ANGPT2: variants seen among roughly 807,000 people sequenced by gnomAD.
ANGPT2 encodes the protein angiopoietin 2.
A neutral mutation model predicts 62.9 loss-of-function variants in ANGPT2; 28 were observed. The observed-to-expected ratio is 0.44, with a 90% CI of 0.33 to 0.61. The LOEUF is 0.61. ANGPT2 is among the 20% of genes least tolerant of loss of function. ANGPT2 has a pLI of 0.03. For missense variants in ANGPT2, 727 were observed against 594.9 expected, an observed-to-expected ratio of 1.22 and a Z score of -2.31; for synonymous variants, 284 against 207.8, an observed-to-expected ratio of 1.37 and a Z score of -3.15.
intron 8 of ANGPT2, chr8:6,508,526 A>G: frequency 3.9e-6 from 1 of 254,452 alleles, no homozygotes; most frequent in East Asian, 8.1e-5. Flanking sequence ...TGAACATTAA[A>G]TTATTAGTTG....
chr8:6,499,699 G>T lies in ANGPT2; in HGVS notation c.*3402C>A. The T allele has an allele frequency of 1.5e-6, 1 of 662,862 alleles. No individual in the cohort carries two copies. Among genetic ancestry groups the T allele is most frequent in the Non-Finnish European group, 2.7e-6 (1 of 368,716 alleles). 41.1% of individuals were successfully genotyped at this position (662,862 alleles called of 1,614,324 possible). The stretch of plus-strand genomic sequence containing the variant: ...AATATTCATAACATTTATGCAACAT[G>T]AAGATTCTGAAGGGACTTTGTTGTC... On this transcript the variant is annotated 3_prime_UTR_variant, in exon 9 of 9. Transcript: ENST00000629816.
intron 1 of ANGPT2, among the ~76,000 whole-genome samples, chr8:6,545,295 G>T (rs1014429367): frequency 6.6e-6 from 1 of 152,142 alleles, no homozygotes; most frequent in South Asian, 2.1e-4. Context: ...ATTTTTAAAA[G>T]TTATCAAGCT....
intron 3 of ANGPT2, among the ~76,000 whole-genome samples, chr8:6,525,828 G>A (rs1303571895): frequency 6.6e-6 from 1 of 152,108 alleles, no homozygotes; most frequent in East Asian, 1.9e-4. Context: ...ATGAGAAAAA[G>A]CTTATTCTTC....
intron 1 of ANGPT2, among the ~76,000 whole-genome samples, chr8:6,555,089 A>T (rs2922879): frequency 0.022 from 3,339 of 152,222 alleles, 120 homozygotes; most frequent in African/African-American, 0.072. Flanking sequence ...TCATACTGGT[A>T]TTCTAAACCA....
In ANGPT2 at chr8:6,519,827, G is replaced by C. The variant is rs767372535; in HGVS notation, c.927+37C>G. On this transcript the variant is annotated intron_variant, in intron 5 of 8. Transcript: ENST00000629816. ...CTCACTCACTAAAGTGGCCTGCCTA[G>C]AGCCAGGGAGTTAGTAAGGGGAGAC... 3 of 1,608,720 alleles carry C rather than the reference G, an allele frequency of 1.9e-6. No homozygotes were observed. In the African/African-American group the frequency reaches 4.0e-5, roughly 21 times the overall value.
At chr8:6,523,959 A>G (rs183213426) in intron 3 of ANGPT2, among the ~76,000 whole-genome samples, 4 of 151,886 alleles carry the variant, frequency 2.6e-5, no homozygotes, top group African/African-American at 9.7e-5. Context: ...TTCAGCACCT[A>G]AAGAGGCTTT....
intron 8 of ANGPT2, among the ~76,000 whole-genome samples, chr8:6,504,184 G>A (rs572230800): frequency 6.6e-6 from 1 of 151,876 alleles, no homozygotes; most frequent in Non-Finnish European, 1.5e-5. Context: ...CGGGCGTGGT[G>A]GCGGACGCCT....
intron 1 of ANGPT2, among the ~76,000 whole-genome samples, chr8:6,538,649 A>G (rs1039001425): frequency 6.6e-6 from 1 of 151,950 alleles, no homozygotes; most frequent in African/African-American, 2.4e-5. Context: ...ACCATCCCCC[A>G]TTGCATGCCC....
chr8:6,560,616 C>T lies in ANGPT2; in HGVS notation c.288+2031G>A, dbSNP rs151150849. Among the ~76,000 whole-genome samples the T allele has an allele frequency of 3.2e-4, 48 of 152,300 alleles. No individual in the cohort carries two copies. The East Asian group carries it at 9.1e-3, about 29-fold the overall frequency. ...GTGAAAAGATAAACATTAAGTCATT[C>T]TTGGGGAAACGGTATTTAGCTAGAC... On this transcript the variant is annotated intron_variant, in intron 1 of 8. Transcript: ENST00000629816.
chr8:6,531,614 C>T (rs982305148), intron 2 of ANGPT2, among the ~76,000 whole-genome samples: 2 of 152,110 alleles, frequency 1.3e-5, no homozygotes, highest in Non-Finnish European at 2.9e-5. Flanking sequence ...TTTCAGTCTT[C>T]TTTCTGTTAT....
chr8:6,519,652 A>G (rs1236300539), intron 5 of ANGPT2, among the ~76,000 whole-genome samples: 1 of 152,170 alleles, frequency 6.6e-6, no homozygotes, highest in Admixed American at 6.5e-5. Flanking sequence ...TTTCTACATC[A>G]TTCATATGCA....
At chr8:6,535,186 A>G (rs1030107831) in intron 1 of ANGPT2, among the ~76,000 whole-genome samples, 1 of 152,344 alleles carries the variant, frequency 6.6e-6, no homozygotes, top group African/African-American at 2.4e-5. Flanking sequence ...TTGTCACTCT[A>G]AATCATACAA....
At chr8:6,520,107 A>G in intron 4 of ANGPT2, 116 bp from the exon 5 acceptor site, 1 of 1,213,902 alleles carries the variant, frequency 8.2e-7, no homozygotes, top group Non-Finnish European at 1.1e-6. Context: ...TAAGTAAGCA[A>G]AAGGCTGTAC....
chr8:6,559,966 G>A (rs1487861289), intron 1 of ANGPT2, among the ~76,000 whole-genome samples: 1 of 152,112 alleles, frequency 6.6e-6, no homozygotes, highest in Non-Finnish European at 1.5e-5. Context: ...TTCCTTTGCC[G>A]GACAGATTAA....
rs528278025 is a variant in ANGPT2 at position 6,520,476 on chromosome 8, T to C, written c.800-485A>G. On this transcript the variant is annotated intron_variant, in intron 4 of 8. Transcript: ENST00000629816. ...CAGTGACACATCTCAGCTTACCGCA[T>C]CCTCCTCCTCCCAGGTTTAAGTGAT... Among the ~76,000 whole-genome samples, 369 of 150,774 alleles carry C rather than the reference T, an allele frequency of 2.4e-3. 1 individual carries two copies. Among genetic ancestry groups the C allele is most frequent in the Non-Finnish European group, 4.2e-3 (284 of 67,986 alleles).
At position 6,503,012 on chromosome 8, in the gene ANGPT2, A is replaced by T; in HGVS notation, c.*89T>A. On this transcript the variant is annotated 3_prime_UTR_variant, in exon 9 of 9. Transcript: ENST00000629816. ...GAGCACACGCCCTCTGTGGTGGAAG[A>T]GGACACAGTGCGCAGCCGTGACTTT... The T allele has an allele frequency of 6.7e-7, 1 of 1,481,918 alleles. No individual in the cohort carries two copies. Among genetic ancestry groups the T allele is most frequent in the Non-Finnish European group, 9.3e-7 (1 of 1,078,392 alleles). The allele number at this position is 1,481,918 out of a possible 1,614,324, so 91.8% of individuals were successfully genotyped here. A position where few individuals can be genotyped will look rare whatever the true frequency, so the allele number is the denominator to read the frequency against.
intron 2 of ANGPT2, 59 bp from the exon 3 acceptor site, chr8:6,527,735 C>T: frequency 1.4e-6 from 2 of 1,466,116 alleles, no homozygotes; most frequent in Non-Finnish European, 1.8e-6. Context: ...AACTTTCTAA[C>T]TTCCTTTTCA....
At chr8:6,514,545 T>C in intron 6 of ANGPT2, 132 bp downstream of exon 6, 2 of 780,970 alleles carry the variant, frequency 2.6e-6, no homozygotes, top group South Asian at 3.3e-5. Flanking sequence ...AAGGGGAGAC[T>C]GAAGCACCAA....
intron 1 of ANGPT2, among the ~76,000 whole-genome samples, chr8:6,533,807 A>G (rs951998923): frequency 4.6e-5 from 7 of 152,152 alleles, no homozygotes; most frequent in Non-Finnish European, 8.8e-5. Context: ...CAGTCATCAG[A>G]CATGATTTCC....
Sources: gnomAD v4.1 joint callset for allele counts (sites outside exome capture counted in the v4.1 genomes callset) on GRCh38, gnomAD v4.1.1 for gene constraint, MANE v1.5 for transcripts, NCBI Gene and HGNC (gene_info 2026-07-23, HGNC 2026-07-21) for gene names.